Variants in PPARGC1A observed in about 807,000 individuals in gnomAD.
PPARGC1A encodes the protein peroxisome proliferator-activated receptor gamma coactivator 1-alpha.
PPARGC1A carries 25 observed loss-of-function variants against 88.7 expected under a neutral mutation model. The ratio of observed to expected loss-of-function variants is 0.28; its 90% CI spans 0.21 to 0.39. PPARGC1A has a LOEUF of 0.39. PPARGC1A is among the 10% of genes least tolerant of loss of function. The probability of loss-of-function intolerance (pLI) is 1.00; values close to 1 mark genes in which losing one functional copy is unlikely to be tolerated. For synonymous variants in PPARGC1A, 363 were observed against 355.6 expected (o/e 1.02, Z -0.24); for missense variants, 880 against 968.7 (o/e 0.91, Z 1.22).
At chr4:23,879,029 C>A (rs554319164) in intron 2 of PPARGC1A, among the ~76,000 whole-genome samples, 1 of 151,012 alleles carries the variant, frequency 6.6e-6, no homozygotes, top group East Asian at 1.9e-4. Flanking sequence ...GGCTGTGGGC[C>A]GTAAATTTAA....
the PPARGC1A span, among the ~76,000 whole-genome samples, chr4:24,422,782 T>G: frequency 6.6e-6 from 1 of 152,148 alleles, no homozygotes; most frequent in East Asian, 1.9e-4. Context: ...CATGCACAAA[T>G]TACTTCTGAA....
chr4:24,407,952 C>T, the PPARGC1A span, among the ~76,000 whole-genome samples: 3 of 152,138 alleles, frequency 2.0e-5, no homozygotes, highest in Non-Finnish European at 4.4e-5. Flanking sequence ...TCTTAAAAGG[C>T]CTCGTTTGGA....
the PPARGC1A span, among the ~76,000 whole-genome samples, chr4:24,281,890 C>A: frequency 6.6e-6 from 1 of 152,204 alleles, no homozygotes; most frequent in African/African-American, 2.4e-5. Flanking sequence ...CAAATTCCCA[C>A]AGCAAGCCTA....
chr4:24,257,900 T>C, the PPARGC1A span, among the ~76,000 whole-genome samples: 1 of 152,128 alleles, frequency 6.6e-6, no homozygotes, highest in African/African-American at 2.4e-5. Context: ...TATATTTATA[T>C]CCATGGTTCA....
At chr4:24,062,358 G>A in the PPARGC1A span, among the ~76,000 whole-genome samples, 8 of 152,254 alleles carry the variant, frequency 5.3e-5, no homozygotes, top group African/African-American at 1.2e-4. Flanking sequence ...TTGTTTACCC[G>A]TAAATGAACC....
the PPARGC1A span, among the ~76,000 whole-genome samples, chr4:24,423,930 A>G: frequency 8.5e-5 from 13 of 152,296 alleles, no homozygotes; most frequent in East Asian, 5.8e-4. Flanking sequence ...TCGAAATACC[A>G]GTGACAATTC....
the PPARGC1A span, among the ~76,000 whole-genome samples, chr4:24,043,149 T>G: frequency 3.9e-5 from 6 of 152,178 alleles, no homozygotes; most frequent in Non-Finnish European, 8.8e-5. Context: ...AGGAGATGAC[T>G]TTTGTTTAAT....
chr4:24,102,962 A>T, the PPARGC1A span, among the ~76,000 whole-genome samples: 1 of 152,188 alleles, frequency 6.6e-6, no homozygotes, highest in African/African-American at 2.4e-5. Flanking sequence ...TGGTTGTTAA[A>T]CCATAGTAAA....
At chr4:24,082,719 A>G in the PPARGC1A span, among the ~76,000 whole-genome samples, 1 of 152,112 alleles carries the variant, frequency 6.6e-6, no homozygotes, top group Admixed American at 6.6e-5. Context: ...TTCCCTCCAC[A>G]TCTCAAATAT....
chr4:24,106,137 C>T, the PPARGC1A span, among the ~76,000 whole-genome samples: 2 of 152,154 alleles, frequency 1.3e-5, no homozygotes, highest in African/African-American at 4.8e-5. Context: ...TAGTTAGATC[C>T]TGCCCAAGCC....
At chr4:24,455,204 G>C in the PPARGC1A span, among the ~76,000 whole-genome samples, 1 of 152,202 alleles carries the variant, frequency 6.6e-6, no homozygotes, top group East Asian at 1.9e-4. Flanking sequence ...GAATGGGGCC[G>C]GGGCAGTGGC....
chr4:23,796,185 G>T (rs1199425269), intron 12 of PPARGC1A, among the ~76,000 whole-genome samples: 4 of 152,008 alleles, frequency 2.6e-5, no homozygotes, highest in African/African-American at 9.7e-5. Context: ...ATATATCTCT[G>T]GCAGATAACC....
the PPARGC1A span, among the ~76,000 whole-genome samples, chr4:24,024,120 G>A: frequency 3.9e-5 from 6 of 152,228 alleles, no homozygotes; most frequent in East Asian, 1.9e-4. Flanking sequence ...AACAGCCTGT[G>A]TTCTGGTGTA....
chr4:23,994,502 G>A, the PPARGC1A span, among the ~76,000 whole-genome samples: 1 of 152,128 alleles, frequency 6.6e-6, no homozygotes, highest in South Asian at 2.1e-4. Flanking sequence ...GCAGAGAAGG[G>A]GGGGCGGTGA....
the PPARGC1A span, among the ~76,000 whole-genome samples, chr4:24,007,523 G>T: frequency 6.6e-6 from 1 of 151,936 alleles, no homozygotes; most frequent in South Asian, 2.1e-4. Context: ...ATTTCCCTGA[G>T]AAAGTGAAGA....
chr4:24,158,579 T>G, the PPARGC1A span, among the ~76,000 whole-genome samples: 1 of 152,198 alleles, frequency 6.6e-6, no homozygotes, highest in Non-Finnish European at 1.5e-5. Flanking sequence ...AAGAAAGGCA[T>G]TTAAGTTATA....
chr4:24,033,599 G>T, the PPARGC1A span, among the ~76,000 whole-genome samples: 1 of 152,072 alleles, frequency 6.6e-6, no homozygotes, highest in Non-Finnish European at 1.5e-5. Flanking sequence ...ACACATCCTT[G>T]TCTCTGACAT....
the PPARGC1A span, among the ~76,000 whole-genome samples, chr4:24,216,724 C>T: frequency 6.6e-6 from 1 of 152,040 alleles, no homozygotes; most frequent in Non-Finnish European, 1.5e-5. Context: ...TACAAACAAA[C>T]CTTAATACCA....
At chr4:24,329,259 T>A in the PPARGC1A span, among the ~76,000 whole-genome samples, 10 of 143,328 alleles carry the variant, frequency 7.0e-5, no homozygotes, top group African/African-American at 2.6e-4. Context: ...CTCTTTAAGC[T>A]TTTTTTTTTT....
Sources: allele counts gnomAD v4.1 joint callset (sites outside exome capture counted in the v4.1 genomes callset), GRCh38; gene constraint gnomAD v4.1.1; transcripts MANE v1.5; gene names NCBI Gene and HGNC (gene_info 2026-07-23, HGNC 2026-07-21).